SGCZ: variants seen among roughly 807,000 people sequenced by gnomAD.
SGCZ encodes sarcoglycan zeta, also known as zeta-sarcoglycan.
SGCZ carries 40 observed loss-of-function variants against 41.3 expected under a neutral mutation model. That is an observed-to-expected ratio of 0.97 (90% CI 0.75 to 1.26). The LOEUF is 1.26. Among genes scored for constraint, SGCZ ranks in the 50% most tolerant of loss-of-function variants. SGCZ has a pLI of 0.00. For synonymous variants in SGCZ, 206 were observed against 137.5 expected (o/e 1.50, Z -3.49); for missense variants, 552 against 369.8 (o/e 1.49, Z -4.04).
At position 14,823,863 on chromosome 8, in the gene SGCZ, T is replaced by C. The variant is rs76513394; in HGVS notation, c.40-268937A>G. Among the ~76,000 whole-genome samples the C allele has an allele frequency of 8.8e-3, 1,335 of 152,240 alleles. 14 individuals carry two copies. The highest frequency in any genetic ancestry group is 0.032 in the East Asian group (165 of 5,170). ...AACAGATGAATGGGTAAAGATTATA[T>C]GGAATAGATAGACAATGGTATATGA... On this transcript the variant is annotated intron_variant, in intron 1 of 7. Coordinates refer to ENST00000382080, the MANE Select transcript of SGCZ (RefSeq NM_139167.4).
At chr8:14,844,228 T>A (rs189609779) in intron 1 of SGCZ, among the ~76,000 whole-genome samples, 313 of 152,188 alleles carry the variant, frequency 2.1e-3, no homozygotes, top group Non-Finnish European at 3.6e-3. Flanking sequence ...TGTAAGCATA[T>A]AAGTGCTATC....
chr8:14,087,765 T>G lies in SGCZ; in HGVS notation c.*2678A>C, dbSNP rs932307045. On this transcript the variant is annotated 3_prime_UTR_variant, in exon 8 of 8. Transcript: ENST00000382080. ...TTTGAATGTGGAAAACGAGGACATT[T>G]GGGGCCATTCTTCTAAGCCTTCACA... 4.6e-5 allele frequency among the ~76,000 whole-genome samples: 7 copies of G among 151,672 alleles called. No individual in the cohort carries two copies. The highest frequency in any genetic ancestry group is 8.9e-5 in the Non-Finnish European group (6 of 67,750).
At chr8:14,246,294 T>C (rs1464576212) in intron 3 of SGCZ, among the ~76,000 whole-genome samples, 1 of 152,100 alleles carries the variant, frequency 6.6e-6, no homozygotes, top group Non-Finnish European at 1.5e-5. Context: ...ATGTCCTTTG[T>C]AGGGACACGG....
At chr8:14,824,120 A>T (rs1802208281) in intron 1 of SGCZ, among the ~76,000 whole-genome samples, 1 of 152,078 alleles carries the variant, frequency 6.6e-6, no homozygotes, top group Non-Finnish European at 1.5e-5. Flanking sequence ...AGGATGAGAA[A>T]AGGTTTTTCG....
chr8:14,153,800 T>C (rs1803787232), intron 5 of SGCZ, among the ~76,000 whole-genome samples: 1 of 152,052 alleles, frequency 6.6e-6, no homozygotes, highest in Admixed American at 6.5e-5. Context: ...AGATGGCATA[T>C]TGAGAGACAA....
chr8:15,192,249 C>T (rs781324209), intron 1 of SGCZ, among the ~76,000 whole-genome samples: 11 of 151,918 alleles, frequency 7.2e-5, no homozygotes, highest in African/African-American at 2.2e-4. Flanking sequence ...TTTCAACAGC[C>T]CAAATCCCTG....
intron 5 of SGCZ, among the ~76,000 whole-genome samples, chr8:14,130,985 A>G (rs1803024055): frequency 6.6e-6 from 1 of 152,172 alleles, no homozygotes; most frequent in South Asian, 2.1e-4. Context: ...TGCCCTGTGT[A>G]AATCAGATAC....
At chr8:14,275,393 T>C (rs1212668306) in intron 3 of SGCZ, among the ~76,000 whole-genome samples, 2 of 152,170 alleles carry the variant, frequency 1.3e-5, no homozygotes, top group Non-Finnish European at 2.9e-5. Context: ...TTCACGTATT[T>C]AATCTACTGT....
At chr8:14,853,387 C>T in intron 1 of SGCZ, 1 of 503,948 alleles carries the variant, frequency 2.0e-6, no homozygotes, top group Admixed American at 2.0e-5. Flanking sequence ...CCCTTGGGAC[C>T]TACGCTGGAT....
At chr8:14,733,355 C>G (rs1173167995) in intron 1 of SGCZ, among the ~76,000 whole-genome samples, 2 of 152,220 alleles carry the variant, frequency 1.3e-5, no homozygotes, top group African/African-American at 4.8e-5. Flanking sequence ...CTCATTCCCT[C>G]TGCCTCCTAA....
chr8:14,208,796 T>C (rs1298666022), intron 4 of SGCZ, among the ~76,000 whole-genome samples: 1 of 152,246 alleles, frequency 6.6e-6, no homozygotes, highest in Non-Finnish European at 1.5e-5. Context: ...ACATGTATTA[T>C]GTATAAAGAT....
chr8:15,168,283 C>T (rs1476645404), intron 1 of SGCZ, among the ~76,000 whole-genome samples: 2 of 152,142 alleles, frequency 1.3e-5, no homozygotes, highest in African/African-American at 2.4e-5. Flanking sequence ...CGCAGGTGAG[C>T]GTGGCTGATT....
At chr8:14,201,242 A>T (rs1805444579) in intron 4 of SGCZ, among the ~76,000 whole-genome samples, 1 of 152,156 alleles carries the variant, frequency 6.6e-6, no homozygotes, top group Non-Finnish European at 1.5e-5. Flanking sequence ...ACCTACACTT[A>T]TCATACAACG....
At chr8:14,796,385 C>T (rs1044059744) in intron 1 of SGCZ, among the ~76,000 whole-genome samples, 2 of 151,828 alleles carry the variant, frequency 1.3e-5, no homozygotes, top group Non-Finnish European at 2.9e-5. Flanking sequence ...TCTCAAGTTG[C>T]TGGTATTACA....
chr8:14,962,239 C>G (rs187731592), intron 1 of SGCZ, among the ~76,000 whole-genome samples: 41 of 152,164 alleles, frequency 2.7e-4, no homozygotes, highest in African/African-American at 9.6e-4. Flanking sequence ...CTGAAGACTT[C>G]TCATATAGAC....
In SGCZ at chr8:15,146,497, C is replaced by T. The variant is rs373411109; in HGVS notation, c.39+91088G>A. Among the ~76,000 whole-genome samples the T allele has an allele frequency of 3.8e-4, 58 of 152,268 alleles. No individual in the cohort carries two copies. In the South Asian group the frequency reaches 0.011, roughly 28 times the overall value. On this transcript the variant is annotated intron_variant, in intron 1 of 7. Transcript: ENST00000382080. ...TCTAGTGATCCTCCTGCCTCAGCCC[C>T]GTGAGTAGATGGGACTACAAGAATG...
intron 1 of SGCZ, among the ~76,000 whole-genome samples, chr8:14,842,505 A>AAAGG (rs761328525): frequency 1.1e-4 from 17 of 151,388 alleles, no homozygotes; most frequent in Non-Finnish European, 1.9e-4. Flanking sequence ...GAAAGGAAGG[A>AAAGG]AAGGAAGGAA....
At position 14,090,571 on chromosome 8, in the gene SGCZ, G is replaced by GTGAAGA; in HGVS notation, c.805_810dup (p.Ser269_Ser270dup). 6.2e-7 allele frequency: 1 copy of GTGAAGA among 1,612,956 alleles called. No individual in the cohort carries two copies. The highest frequency in any genetic ancestry group is 1.1e-5 in the South Asian group (1 of 91,038). On this transcript the variant is annotated inframe_insertion, in exon 8 of 8. Transcript: ENST00000382080. ...GTCTGTCGAGAACTTGAGGAGCTGGGTGAAGAAGATGAGAAGGAGCCAGTT... is the reference window on the plus strand; with the variant it reads ...GTCTGTCGAGAACTTGAGGAGCTGGGTGAAGATGAAGAAGATGAGAAGGAGCCAGTT...
Position 14,309,202 on chromosome 8 carries a change from G to C in SGCZ, c.336+14901C>G, listed in dbSNP as rs1458379274. 7 of 1,489,068 alleles carry C rather than the reference G, an allele frequency of 4.7e-6. No individual in the cohort carries two copies. The Admixed American group carries it at 1.2e-4, about 25-fold the overall frequency. 92.2% of individuals were successfully genotyped at this position (1,489,068 alleles called of 1,614,324 possible). A position where few individuals can be genotyped will look rare whatever the true frequency, so the allele number is the denominator to read the frequency against. On this transcript the variant is annotated intron_variant, in intron 3 of 7. Transcript: ENST00000382080. ...AAACTTGGCAAGCAAACCTGCTGCG[G>C]CTGATCTCTAAGTTTGATACTGTTG...
Sources: allele counts gnomAD v4.1 joint callset (sites outside exome capture counted in the v4.1 genomes callset), GRCh38; gene constraint gnomAD v4.1.1; transcripts MANE v1.5; gene names NCBI Gene and HGNC (gene_info 2026-07-23, HGNC 2026-07-21).